TP73: variants seen among roughly 807,000 people sequenced by gnomAD.
TP73 encodes tumor protein p73.
Under a neutral mutation model 62.5 loss-of-function variants are expected in TP73, and 25 were observed. The ratio of observed to expected loss-of-function variants is 0.40; its 90% CI spans 0.29 to 0.56. The LOEUF is 0.56. Ranked by LOEUF, TP73 falls within the 20% of genes least tolerant of loss-of-function variation. TP73 has a pLI of 0.46. For missense variants in TP73, 754 were observed against 913.3 expected (o/e 0.83, Z 2.25); for synonymous variants, 423 against 377.5 (o/e 1.12, Z -1.40).
intron 4 of TP73, among the ~76,000 whole-genome samples, chr1:3,708,972 G>A (rs1338379209): frequency 6.6e-6 from 1 of 152,232 alleles, no homozygotes; most frequent in Non-Finnish European, 1.5e-5. Flanking sequence ...TGAGCAAGGG[G>A]CCCCTCAGGT....
chr1:3,724,452 C>T (rs1641343456), intron 6 of TP73, among the ~76,000 whole-genome samples: 1 of 152,068 alleles, frequency 6.6e-6, no homozygotes, highest in Admixed American at 6.6e-5. Context: ...GTACCCAGGC[C>T]CCCTTCGACG....
At chr1:3,660,952 C>G (rs1026033553) in intron 1 of TP73, among the ~76,000 whole-genome samples, 8 of 152,260 alleles carry the variant, frequency 5.3e-5, no homozygotes, top group Admixed American at 5.2e-4. Context: ...TAGAATGTAT[C>G]AGATTTCTAA....
chr1:3,686,428 T>A (rs758284898), intron 3 of TP73, among the ~76,000 whole-genome samples: 5 of 151,990 alleles, frequency 3.3e-5, no homozygotes, highest in Admixed American at 2.6e-4. Flanking sequence ...TGACAGGGGG[T>A]AGGAGCCCAG....
intron 13 of TP73, among the ~76,000 whole-genome samples, chr1:3,732,168 G>A (rs767056506): frequency 7.2e-5 from 11 of 152,260 alleles, no homozygotes; most frequent in East Asian, 5.8e-4. Context: ...CCAGTGCCGC[G>A]GCCCAGGTCC....
At chr1:3,727,069 G>A (rs112871833) in intron 6 of TP73, 46 bp from the exon 7 acceptor site, 1 of 1,555,118 alleles carries the variant, frequency 6.4e-7, no homozygotes. Flanking sequence ...AGTGGATTGG[G>A]GCTGCGTGCT....
chr1:3,689,022 G>C (rs1053350904), intron 3 of TP73, among the ~76,000 whole-genome samples: 11 of 152,164 alleles, frequency 7.2e-5, no homozygotes, highest in Non-Finnish European at 1.5e-4. Context: ...TGTGCCCTGT[G>C]GGGGTCGGGA....
chr1:3,673,971 C>T (rs1031165361), intron 1 of TP73, among the ~76,000 whole-genome samples: 9 of 152,152 alleles, frequency 5.9e-5, no homozygotes, highest in Admixed American at 1.3e-4. Context: ...CTGCTGGGTT[C>T]GACCTCCACC....
chr1:3,659,396 G>A (rs1269376718), intron 1 of TP73: 2 of 152,174 alleles, frequency 1.3e-5, no homozygotes, highest in Admixed American at 1.3e-4. Context: ...TCCAGCCTCA[G>A]TTTGCAGGAT....
rs1429956829 is a variant in TP73 at position 3,733,030 on chromosome 1, C to A, written c.1862C>A (p.Ala621Asp). The A allele has an allele frequency of 3.2e-6, 5 of 1,549,008 alleles. No individual in the cohort carries two copies. In the African/African-American group the frequency reaches 5.5e-5, roughly 17 times the overall value. ...DFGFDLPDCK[A>D]RKQPIKEEFT... ...GGCTTCGACCTGCCCGACTGCAAGGCCCGCAAGCAGCCCATCAAGGAGGAG... is the reference window on the plus strand; with the variant it reads ...GGCTTCGACCTGCCCGACTGCAAGGACCGCAAGCAGCCCATCAAGGAGGAG... The change falls in exon 14 of 14, where the codon GCC (alanine) becomes GAC (aspartate). Residue 621 changes from alanine (A) to aspartate (D), a missense_variant. Physicochemically the swap from Ala to Asp is moderately radical, Grantham distance 126. Around this residue, in one of 3 missense-constraint regions of TP73, gnomAD observed 458 missense variants for 528.7 expected, o/e 0.87. Coordinates refer to ENST00000378295, the MANE Select transcript of TP73 (RefSeq NM_005427.4).
intron 3 of TP73, among the ~76,000 whole-genome samples, chr1:3,683,670 CCAG>C (rs1309772744): frequency 5.3e-5 from 8 of 152,228 alleles, no homozygotes; most frequent in Non-Finnish European, 8.8e-5. Context: ...CCAGGCTCCA[CCAG>C]CATGCCCTAT....
Position 3,719,909 on chromosome 1 carries a change from T to TGTGTGTGTGTTC in TP73, c.430-2102_430-2101insTCGTGTGTGTGT, listed in dbSNP as rs1553144506. Among the ~76,000 whole-genome samples the TGTGTGTGTGTTC allele has an allele frequency of 7.0e-3, 1,056 of 150,926 alleles. 12 individuals are homozygous for TGTGTGTGTGTTC. Among genetic ancestry groups the TGTGTGTGTGTTC allele is most frequent in the African/African-American group, 0.024 (980 of 40,962 alleles). ...TTCTCTTTGTGTGTGTGTGTGTGTGTGTGTGTGTGTGTGTGTGTGTGTGTG... is the reference window on the plus strand; with the variant it reads ...TTCTCTTTGTGTGTGTGTGTGTGTGTGTGTGTGTGTTCGTGTGTGTGTGTGTGTGTGTGTGTG... On this transcript the variant is annotated intron_variant, in intron 4 of 13. Transcript: ENST00000378295.
At chr1:3,657,097 G>C (rs1644881443) in intron 1 of TP73, among the ~76,000 whole-genome samples, 1 of 152,214 alleles carries the variant, frequency 6.6e-6, no homozygotes, top group South Asian at 2.1e-4. Flanking sequence ...TTAAATATTA[G>C]GGTCACTTTG....
Position 3,697,177 on chromosome 1 carries a change from C to T in TP73, c.187-10372C>T, listed in dbSNP as rs535614065. 1.6e-4 allele frequency among the ~76,000 whole-genome samples: 17 copies of T among 107,814 alleles called. No homozygotes were observed. The East Asian group carries it at 4.0e-3, about 25-fold the overall frequency. 70.7% of individuals were successfully genotyped at this position (107,814 alleles called of 152,430 possible). On this transcript the variant is annotated intron_variant, in intron 3 of 13. Coordinates refer to ENST00000378295, the MANE Select transcript of TP73 (RefSeq NM_005427.4). Reference sequence around the variant, plus strand: ...CCCACCTCGCACCCGCGGCCCACGTCGCACCCGCGGCCCACCTCGCACCCA... The same window carrying T: ...CCCACCTCGCACCCGCGGCCCACGTTGCACCCGCGGCCCACCTCGCACCCA...
At position 3,666,560 on chromosome 1, in the gene TP73, C is replaced by T. The variant is rs560276526; in HGVS notation, c.-34+13919C>T. 9.0e-4 allele frequency among the ~76,000 whole-genome samples: 137 copies of T among 152,168 alleles called. 1 individual carries two copies. Among genetic ancestry groups the T allele is most frequent in the Middle Eastern group, 3.4e-3 (1 of 294 alleles). On this transcript the variant is annotated intron_variant, in intron 1 of 13. Transcript: ENST00000378295. The surrounding 1 kb of genome is among the most constrained non-coding windows in gnomAD (Gnocchi z 6.4). ...AGGGGTCTGACAGTGAAGGTGGGTG[C>T]GTGGGCGGGGGGCTTTTAATGGTCC...
At chr1:3,683,303 G>A in intron 3 of TP73, 123 bp downstream of exon 3, 2 of 1,285,064 alleles carry the variant, frequency 1.6e-6, no homozygotes, top group South Asian at 1.9e-5. Context: ...TCCCCTGTGG[G>A]TTTCTGAGGA....
rs376551853 is a variant in TP73, at chr1:3,727,781, G to A, written c.985+11G>A. 320 of 1,527,934 alleles carry A rather than the reference G, an allele frequency of 2.1e-4. No homozygotes were observed. Among genetic ancestry groups the A allele is most frequent in the African/African-American group, 2.7e-4 (20 of 72,756 alleles). 94.6% of individuals were successfully genotyped at this position (1,527,934 alleles called of 1,614,324 possible). A position where few individuals can be genotyped will look rare whatever the true frequency, so the allele number is the denominator to read the frequency against. ...CCGCCAGCAAGCGTGGTGAGCGGCC[G>A]GCCAGGGGAACTGGACGCGTGTGGG... is the stretch of plus-strand genomic sequence containing the variant. On this transcript the variant is annotated intron_variant, in intron 8 of 13. Coordinates refer to ENST00000378295, the MANE Select transcript of TP73 (RefSeq NM_005427.4).
intron 6 of TP73, 58 bp downstream of exon 6, chr1:3,723,527 A>T (rs887542676): frequency 1.0e-5 from 8 of 768,836 alleles, no homozygotes; most frequent in South Asian, 1.5e-5. Flanking sequence ...GGGTCGGGGG[A>T]GGGGTCCCCT....
In TP73 at chr1:3,666,985, G is replaced by A. The variant is rs764694696; in HGVS notation, c.-34+14344G>A. On this transcript the variant is annotated intron_variant, in intron 1 of 13. Transcript: ENST00000378295. This position sits in a 1 kb window ranked among gnomAD's most constrained non-coding sequence, Gnocchi z 6.4. ...GATTCAGCTATTTTGAGATGGGGAG[G>A]CCATCTGGCAGGATCCAGGTGGGTC... 5.6e-4 allele frequency among the ~76,000 whole-genome samples: 86 copies of A among 152,232 alleles called. No homozygotes were observed. Among genetic ancestry groups the A allele is most frequent in the Non-Finnish European group, 7.5e-4 (51 of 68,044 alleles).
At position 3,733,104 on chromosome 1, in the gene TP73, G is replaced by GCCA. The variant is rs1642266968; in HGVS notation, c.*28_*30dup. ...AGGGCCTCGCCTGGCTGCAGCCTGC[G>GCCA]CCACCGCCCAGAGACCCAAGCTGCC... On this transcript the variant is annotated 3_prime_UTR_variant, in exon 14 of 14. Coordinates refer to ENST00000378295, the MANE Select transcript of TP73 (RefSeq NM_005427.4). 25 of 1,508,536 alleles carry GCCA rather than the reference G, an allele frequency of 1.7e-5. No individual in the cohort carries two copies. Among genetic ancestry groups the GCCA allele is most frequent in the Non-Finnish European group, 2.1e-5 (24 of 1,129,226 alleles). The allele number at this position is 1,508,536 out of a possible 1,614,324, so 93.4% of individuals were successfully genotyped here.
Sources: allele counts gnomAD v4.1 joint callset (sites outside exome capture counted in the v4.1 genomes callset), GRCh38; gene constraint gnomAD v4.1.1; regional missense constraint gnomAD v4.1.1; non-coding constraint Gnocchi (gnomAD v3.1); transcripts MANE v1.5; gene names NCBI Gene and HGNC (gene_info 2026-07-23, HGNC 2026-07-21).